Variants in ABTB3 observed in about 807,000 individuals in gnomAD.
ABTB3 encodes the protein ankyrin repeat- and BTB/POZ domain-containing protein 3.
chr12:107,404,635 G>A, the ABTB3 span, among the ~76,000 whole-genome samples: 3 of 152,172 alleles, frequency 2.0e-5, no homozygotes, highest in Admixed American at 6.5e-5. Flanking sequence ...GACTTCCTCT[G>A]GCTTCCAGGA....
At chr12:107,554,313 T>C in the ABTB3 span, among the ~76,000 whole-genome samples, 5 of 152,074 alleles carry the variant, frequency 3.3e-5, no homozygotes, top group African/African-American at 1.2e-4. Flanking sequence ...GCTATTTCAA[T>C]ACATGTATAC....
chr12:107,577,696 G>A, the ABTB3 span, among the ~76,000 whole-genome samples: 2 of 152,064 alleles, frequency 1.3e-5, no homozygotes, highest in Non-Finnish European at 2.9e-5. Context: ...CTGTTTGAGT[G>A]GACCATCTCC....
the ABTB3 span, among the ~76,000 whole-genome samples, chr12:107,524,743 C>T: frequency 6.6e-6 from 1 of 152,226 alleles, no homozygotes; most frequent in Non-Finnish European, 1.5e-5. Flanking sequence ...AGCTTTTATA[C>T]TTAACCACTA....
At chr12:107,464,504 T>C in the ABTB3 span, among the ~76,000 whole-genome samples, 1 of 152,066 alleles carries the variant, frequency 6.6e-6, no homozygotes, top group Non-Finnish European at 1.5e-5. Context: ...AAGGCTGGGG[T>C]CTCACTATGT....
the ABTB3 span, among the ~76,000 whole-genome samples, chr12:107,624,318 TAC>T: frequency 6.6e-6 from 1 of 152,062 alleles, no homozygotes; most frequent in African/African-American, 2.4e-5. Context: ...TAAAAAATAA[TAC>T]AGAGAGATTC....
chr12:107,641,592 G>T, the ABTB3 span, among the ~76,000 whole-genome samples: 1 of 152,222 alleles, frequency 6.6e-6, no homozygotes, highest in Non-Finnish European at 1.5e-5. Flanking sequence ...TAAGGGAGAT[G>T]ATTAGGTAGT....
chr12:107,386,160 T>C, the ABTB3 span, among the ~76,000 whole-genome samples: 1 of 152,190 alleles, frequency 6.6e-6, no homozygotes, highest in Admixed American at 6.5e-5. Context: ...CTTCCTCACC[T>C]CTCTACCTTT....
the ABTB3 span, among the ~76,000 whole-genome samples, chr12:107,466,584 C>T: frequency 6.6e-6 from 1 of 151,816 alleles, no homozygotes; most frequent in Non-Finnish European, 1.5e-5. Flanking sequence ...GGAAGAGGAG[C>T]CTGCAGGGCA....
At chr12:107,537,592 C>T in the ABTB3 span, among the ~76,000 whole-genome samples, 1 of 152,158 alleles carries the variant, frequency 6.6e-6, no homozygotes. Context: ...CTTGGCTTTT[C>T]CTCCACCCTC....
the ABTB3 span, among the ~76,000 whole-genome samples, chr12:107,393,056 C>A: frequency 6.6e-6 from 1 of 152,042 alleles, no homozygotes; most frequent in East Asian, 1.9e-4. Flanking sequence ...CAGGCCACAC[C>A]TGGTGCAGGG....
chr12:107,622,064 A>C, the ABTB3 span, among the ~76,000 whole-genome samples: 1 of 151,000 alleles, frequency 6.6e-6, no homozygotes, highest in Admixed American at 6.6e-5. Flanking sequence ...AACATGATGA[A>C]ACTCCACCTC....
the ABTB3 span, among the ~76,000 whole-genome samples, chr12:107,499,897 A>G: frequency 1.3e-5 from 2 of 151,896 alleles, no homozygotes; most frequent in Admixed American, 6.6e-5. Flanking sequence ...TGTTGGCCAG[A>G]CTGGTCTTGA....
chr12:107,604,763 G>C, the ABTB3 span, among the ~76,000 whole-genome samples: 1 of 152,104 alleles, frequency 6.6e-6, no homozygotes, highest in Non-Finnish European at 1.5e-5. Context: ...CCCATCACTG[G>C]CTATATATCC....
At chr12:107,469,866 T>TTTTTTC in the ABTB3 span, among the ~76,000 whole-genome samples, 139 of 75,658 alleles carry the variant, frequency 1.8e-3, 2 homozygotes, top group South Asian at 3.7e-3. Flanking sequence ...TCTTTCTTTC[T>TTTTTTC]TTTCTTTCTT....
chr12:107,520,588 A>T, the ABTB3 span: 1 of 1,614,226 alleles, frequency 6.2e-7, no homozygotes, highest in African/African-American at 1.3e-5. Flanking sequence ...GCTGAGGACC[A>T]TCGAGCAGTC....
At chr12:107,328,519 C>G in the ABTB3 span, among the ~76,000 whole-genome samples, 1 of 152,178 alleles carries the variant, frequency 6.6e-6, no homozygotes, top group Non-Finnish European at 1.5e-5. Context: ...ACGTGTCTGT[C>G]TTTTCTTCTT....
the ABTB3 span, among the ~76,000 whole-genome samples, chr12:107,615,441 A>G: frequency 6.6e-6 from 1 of 152,206 alleles, no homozygotes; most frequent in Non-Finnish European, 1.5e-5. Flanking sequence ...GTGGGGCTTC[A>G]GCTATTTTTG....
At chr12:107,321,731 C>A in the ABTB3 span, among the ~76,000 whole-genome samples, 1 of 152,144 alleles carries the variant, frequency 6.6e-6, no homozygotes, top group African/African-American at 2.4e-5. Flanking sequence ...AACCTGGGAG[C>A]TTTGGACTGG....
the ABTB3 span, among the ~76,000 whole-genome samples, chr12:107,578,383 C>CTTT: frequency 5.4e-3 from 309 of 57,028 alleles, no homozygotes; most frequent in Non-Finnish European, 6.6e-3. Context: ...CTTTCTTCTT[C>CTTT]TTTTTTTTTT....
Sources: allele counts gnomAD v4.1 joint callset (sites outside exome capture counted in the v4.1 genomes callset), GRCh38; gene constraint gnomAD v4.1.1; transcripts MANE v1.5; gene names NCBI Gene and HGNC (gene_info 2026-07-23, HGNC 2026-07-21).